WDR59: variants seen among roughly 807,000 people sequenced by gnomAD.
WDR59 encodes WD repeat domain 59.
In WDR59, 100 loss-of-function variants were observed where a neutral mutation model predicts 131.2. The ratio of observed to expected loss-of-function variants is 0.76; its 90% confidence interval spans 0.65 to 0.90. The LOEUF is 0.90. Among genes scored for constraint, WDR59 ranks in the 40% least tolerant of loss-of-function variants. The pLI, the probability that WDR59 is intolerant of heterozygous loss-of-function variation, is 0.00. For synonymous variants in WDR59, 601 were observed against 466.2 expected, an observed-to-expected ratio of 1.29 and a Z score of -3.72; for missense variants, 1,203 against 1,262.2, an observed-to-expected ratio of 0.95 and a Z score of 0.71.
rs1335344861 is a variant in WDR59 at position 74,924,608 on chromosome 16, A to G, written c.652-605T>C. On this transcript the variant is annotated intron_variant, in intron 8 of 25. Transcript: ENST00000262144. The stretch of plus-strand genomic sequence containing the variant: ...AGTTCTTGAAATTGTAGAGCACACA[A>G]AGTGAGCCACACAAACTACCTTAGA... Among the ~76,000 whole-genome samples, 2 of 152,192 alleles carry G rather than the reference A, an allele frequency of 1.3e-5. 1 individual carries two copies. Among genetic ancestry groups the G allele is most frequent in the Admixed American group, 1.3e-4 (2 of 15,282 alleles).
intron 13 of WDR59, 135 bp downstream of exon 13, chr16:74,915,735 G>GA (rs1966336617): frequency 1.5e-6 from 2 of 1,378,092 alleles, no homozygotes; most frequent in Admixed American, 4.0e-5. Flanking sequence ...GAAAACCCAG[G>GA]AAATAAAAAA....
intron 9 of WDR59, among the ~76,000 whole-genome samples, chr16:74,922,500 A>G (rs2030343677): frequency 6.6e-6 from 1 of 152,252 alleles, no homozygotes; most frequent in African/African-American, 2.4e-5. Context: ...CTGGAGCAGC[A>G]GACCTAATTC....
At chr16:74,920,379 A>G (rs1443292843) in intron 10 of WDR59, among the ~76,000 whole-genome samples, 1 of 152,100 alleles carries the variant, frequency 6.6e-6, no homozygotes, top group Non-Finnish European at 1.5e-5. Context: ...TATGATGTTC[A>G]GTGGGTTAGG....
chr16:74,928,002 A>C (rs2031017468), intron 8 of WDR59, among the ~76,000 whole-genome samples: 1 of 148,632 alleles, frequency 6.7e-6, no homozygotes, highest in African/African-American at 2.5e-5. Context: ...CCGCCTCCCA[A>C]GTTCAAGCGA....
chr16:74,939,534 A>T (rs1346661819), intron 7 of WDR59, among the ~76,000 whole-genome samples: 1 of 152,086 alleles, frequency 6.6e-6, no homozygotes, highest in Non-Finnish European at 1.5e-5. Flanking sequence ...ACAGTACGAC[A>T]AACTAAGTTT....
intron 2 of WDR59, among the ~76,000 whole-genome samples, chr16:74,961,967 T>C (rs980487789): frequency 1.3e-5 from 2 of 152,196 alleles, no homozygotes; most frequent in African/African-American, 2.4e-5. Flanking sequence ...TATTTTTTTA[T>C]AAGGTTTAAG....
At chr16:74,891,309 C>T (rs769829290) in intron 20 of WDR59, among the ~76,000 whole-genome samples, 3 of 151,976 alleles carry the variant, frequency 2.0e-5, no homozygotes, top group Non-Finnish European at 2.9e-5. Flanking sequence ...AGAAACAGGT[C>T]GAGAAGCATT....
chr16:74,886,177 C>CAAAAAAAAAAAA lies in WDR59; in HGVS notation c.2546+81_2546+92dup, dbSNP rs777732079. On this transcript the variant is annotated intron_variant, in intron 24 of 25. Transcript: ENST00000262144. Reference sequence around the variant, plus strand: ...TAGTGACCGGGTAAGATTCTGTGTCCAAAAAAAAAAAAAGTAAGAGTTGTG... The same window carrying CAAAAAAAAAAAA: ...TAGTGACCGGGTAAGATTCTGTGTCCAAAAAAAAAAAAAAAAAAAAAAAAAGTAAGAGTTGTG... 3,007 of 1,015,134 alleles carry CAAAAAAAAAAAA rather than the reference C, an allele frequency of 3.0e-3. 48 individuals are homozygous for CAAAAAAAAAAAA. The highest frequency in any genetic ancestry group is 6.4e-3 in the South Asian group (373 of 58,698). The allele number at this position is 1,015,134 out of a possible 1,614,324, so 62.9% of individuals were successfully genotyped here.
intron 8 of WDR59, among the ~76,000 whole-genome samples, chr16:74,928,947 TG>T (rs1450632790): frequency 6.6e-6 from 1 of 152,076 alleles, no homozygotes; most frequent in Non-Finnish European, 1.5e-5. Flanking sequence ...ATGGGAGAAA[TG>T]ATCTGCAAAC....
intron 8 of WDR59, among the ~76,000 whole-genome samples, chr16:74,932,251 C>T (rs1246178326): frequency 6.6e-6 from 1 of 150,738 alleles, no homozygotes; most frequent in African/African-American, 2.4e-5. Flanking sequence ...ATGCTACCAG[C>T]CCAGCTATTT....
intron 2 of WDR59, chr16:74,959,528 C>T (rs77485994): frequency 0.055 from 25,080 of 452,644 alleles, 930 homozygotes; most frequent in Middle Eastern, 0.15. Context: ...TGCTGCAGGC[C>T]GAGGCAGAAG....
At chr16:74,886,449 A>G in intron 23 of WDR59, 53 bp from the exon 24 acceptor site, 1 of 1,597,752 alleles carries the variant, frequency 6.3e-7, no homozygotes, top group Non-Finnish European at 8.5e-7. Context: ...GGCATGGAAA[A>G]TATCTGAAGA....
intron 1 of WDR59, among the ~76,000 whole-genome samples, chr16:74,982,640 G>A (rs997228556): frequency 2.0e-5 from 3 of 152,222 alleles, no homozygotes; most frequent in African/African-American, 7.2e-5. Context: ...CTAGTTGCCA[G>A]TAAAAGCAAT....
At chr16:74,983,916 C>G (rs1008934096) in intron 1 of WDR59, among the ~76,000 whole-genome samples, 1 of 151,840 alleles carries the variant, frequency 6.6e-6, no homozygotes, top group Non-Finnish European at 1.5e-5. Context: ...GAGGTCGAAG[C>G]TGAACTGAGC....
intron 18 of WDR59, among the ~76,000 whole-genome samples, chr16:74,896,346 T>C (rs1047494266): frequency 2.6e-4 from 40 of 152,114 alleles, no homozygotes; most frequent in Non-Finnish European, 4.6e-4. Flanking sequence ...AAAATAACCA[T>C]GGGCCAAGTG....
chr16:74,979,176 T>A (rs2034300859), intron 1 of WDR59: 1 of 152,036 alleles, frequency 6.6e-6, no homozygotes, highest in South Asian at 2.1e-4. Context: ...TCACTGGAAG[T>A]TCTACAAAAC....
chr16:74,964,246 G>A (rs75208406), intron 2 of WDR59, among the ~76,000 whole-genome samples: 6,937 of 152,078 alleles, frequency 0.046, 234 homozygotes, highest in East Asian at 0.17. Flanking sequence ...GGGCATGGTG[G>A]CAGGCGCCTA....
intron 20 of WDR59, 31 bp downstream of exon 20, chr16:74,892,453 C>T: frequency 6.3e-7 from 1 of 1,580,504 alleles, no homozygotes; most frequent in Non-Finnish European, 8.6e-7. Context: ...GAAGAAAAAT[C>T]CAAATCTCCA....
intron 17 of WDR59, 179 bp from the exon 18 acceptor site, chr16:74,904,279 T>C (rs1965697018): frequency 1.5e-6 from 1 of 663,572 alleles, no homozygotes; most frequent in Non-Finnish European, 2.5e-6. Flanking sequence ...AAGCATAGAA[T>C]GCTTCTATGA....
Sources: allele counts gnomAD v4.1 joint callset (sites outside exome capture counted in the v4.1 genomes callset), GRCh38; gene constraint gnomAD v4.1.1; transcripts MANE v1.5; gene names NCBI Gene and HGNC (gene_info 2026-07-23, HGNC 2026-07-21).